The following CPNE8 variants were observed in gnomAD, a reference collection of about 807,000 sequenced individuals.
CPNE8 encodes the protein copine 8.
Under a neutral mutation model 81.5 loss-of-function variants are expected in CPNE8, and 45 were observed. That is an observed-to-expected ratio of 0.55 (90% CI 0.44 to 0.71). The LOEUF (loss-of-function observed/expected upper bound fraction) is 0.71. CPNE8 is among the 30% of genes least tolerant of loss of function. The pLI, the probability that CPNE8 is intolerant of heterozygous loss-of-function variation, is 0.00. For synonymous variants in CPNE8, 252 were observed against 226.3 expected, an observed-to-expected ratio of 1.11 and a Z score of -1.02; for missense variants, 594 against 672.1, an observed-to-expected ratio of 0.88 and a Z score of 1.28.
intron 6 of CPNE8, among the ~76,000 whole-genome samples, chr12:38,794,806 C>T (rs188950905): frequency 4.9e-4 from 75 of 152,208 alleles, no homozygotes; most frequent in African/African-American, 1.8e-3. Flanking sequence ...TTGAAGAATA[C>T]AAAGTATTGT....
At chr12:38,654,119 GTA>G in intron 19 of CPNE8, 49 bp from the exon 20 acceptor site, 1 of 1,522,316 alleles carries the variant, frequency 6.6e-7, no homozygotes, top group Non-Finnish European at 8.8e-7. Context: ...AGCAGGCTAT[GTA>G]ATAAACACAA....
At chr12:38,730,526 G>T (rs896265704) in intron 10 of CPNE8, among the ~76,000 whole-genome samples, 168 bp from the exon 11 acceptor site, 1 of 151,478 alleles carries the variant, frequency 6.6e-6, no homozygotes, top group African/African-American at 2.4e-5. Flanking sequence ...TAATTACATT[G>T]TTCATTAATC....
At chr12:38,779,446 T>C (rs752389843) in intron 6 of CPNE8, among the ~76,000 whole-genome samples, 1 of 152,144 alleles carries the variant, frequency 6.6e-6, no homozygotes, top group Non-Finnish European at 1.5e-5. Flanking sequence ...GAGTTATATA[T>C]AAACATTCAC....
intron 10 of CPNE8, among the ~76,000 whole-genome samples, chr12:38,737,894 C>G (rs1418640280): frequency 6.6e-5 from 10 of 152,116 alleles, no homozygotes; most frequent in Admixed American, 6.6e-4. Flanking sequence ...CAAAAGTTGG[C>G]AAGTTGCACT....
chr12:38,751,600 C>T (rs1383372280), intron 10 of CPNE8, among the ~76,000 whole-genome samples: 3 of 152,070 alleles, frequency 2.0e-5, no homozygotes, highest in African/African-American at 7.2e-5. Context: ...CTACATTATG[C>T]CTACAGGCCA....
intron 10 of CPNE8, among the ~76,000 whole-genome samples, chr12:38,741,782 G>C (rs188681461): frequency 6.6e-6 from 1 of 151,802 alleles, no homozygotes; most frequent in Non-Finnish European, 1.5e-5. Flanking sequence ...ATCTGACAAA[G>C]GGCTAATATC....
chr12:38,709,145 C>G (rs978337414), intron 13 of CPNE8, among the ~76,000 whole-genome samples: 2 of 152,172 alleles, frequency 1.3e-5, no homozygotes, highest in African/African-American at 4.8e-5. Flanking sequence ...AATATGTATT[C>G]TAGTTCACAC....
At chr12:38,822,137 TA>T (rs992239276) in intron 6 of CPNE8, among the ~76,000 whole-genome samples, 9 of 152,098 alleles carry the variant, frequency 5.9e-5, no homozygotes, top group African/African-American at 1.9e-4. Context: ...TCTTTGCAAA[TA>T]AAAAAATATT....
upstream of CPNE8, chr12:38,906,393 G>T (rs1490916490): frequency 2.0e-6 from 2 of 985,408 alleles, no homozygotes; most frequent in Non-Finnish European, 2.4e-6. Context: ...AAGCAATCTG[G>T]ATTCTGTCTC....
chr12:38,729,930 G>A (rs556527613), intron 11 of CPNE8, among the ~76,000 whole-genome samples: 1 of 150,554 alleles, frequency 6.6e-6, no homozygotes, highest in Non-Finnish European at 1.5e-5. Context: ...ATTTTATAAC[G>A]CCACACTGAC....
chr12:38,847,430 T>C (rs1387522666), intron 4 of CPNE8, among the ~76,000 whole-genome samples: 1 of 152,186 alleles, frequency 6.6e-6, no homozygotes, highest in Admixed American at 6.5e-5. Flanking sequence ...ATCTGTTTTT[T>C]AGTGGCAACG....
At chr12:38,699,663 G>A (rs769413602) in intron 14 of CPNE8, among the ~76,000 whole-genome samples, 1 of 150,852 alleles carries the variant, frequency 6.6e-6, no homozygotes, top group African/African-American at 2.4e-5. Context: ...TATTTCACCA[G>A]TACCCAGCTA....
At chr12:38,848,691 T>G (rs764182940) in intron 3 of CPNE8, 29 bp from the exon 4 acceptor site, 23 of 1,565,240 alleles carry the variant, frequency 1.5e-5, no homozygotes, top group Non-Finnish European at 2.0e-5. Context: ...AATTTAAAAT[T>G]AAACCTTGTA....
rs376855095 is a variant in CPNE8, at chr12:38,690,240, T to C, written c.1143+3417A>G. The stretch of plus-strand genomic sequence containing the variant: ...ATGAAAGACAAGACTGTCATGAAAC[T>C]GAACTTTTTGTATTTGTCATTTTCA... On this transcript the variant is annotated intron_variant, in intron 15 of 19. Transcript: ENST00000331366. Among the ~76,000 whole-genome samples the C allele has an allele frequency of 2.4e-4, 37 of 152,330 alleles. No homozygotes were observed. In the East Asian group the frequency reaches 6.0e-3, roughly 25 times the overall value.
intron 6 of CPNE8, among the ~76,000 whole-genome samples, chr12:38,818,260 T>A (rs1249305943): frequency 1.3e-5 from 2 of 152,174 alleles, no homozygotes; most frequent in Non-Finnish European, 2.9e-5. Flanking sequence ...GCATTAGGTG[T>A]TTTTCCTAAT....
chr12:38,805,521 G>A (rs1414232490), intron 6 of CPNE8, among the ~76,000 whole-genome samples: 1 of 108,908 alleles, frequency 9.2e-6, no homozygotes, highest in African/African-American at 3.3e-5. Flanking sequence ...TGGGGTCGGG[G>A]GATGGGGGAG....
chr12:38,661,498 C>T (rs1278659802), intron 19 of CPNE8, among the ~76,000 whole-genome samples: 1 of 151,924 alleles, frequency 6.6e-6, no homozygotes, highest in Non-Finnish European at 1.5e-5. Flanking sequence ...AGGAGAAATA[C>T]CTAATGTAAA....
chr12:38,893,694 G>T (rs1944344989), intron 1 of CPNE8, among the ~76,000 whole-genome samples: 1 of 151,890 alleles, frequency 6.6e-6, no homozygotes, highest in Non-Finnish European at 1.5e-5. Flanking sequence ...TGGTGTCTGG[G>T]TCGGGAGCCC....
intron 10 of CPNE8, among the ~76,000 whole-genome samples, chr12:38,746,432 A>G (rs1941228718): frequency 6.6e-6 from 1 of 152,176 alleles, no homozygotes; most frequent in African/African-American, 2.4e-5. Flanking sequence ...ATTTTTTCCA[A>G]AGCTACAAAT....
Sources: gnomAD v4.1 joint callset for allele counts (sites outside exome capture counted in the v4.1 genomes callset) on GRCh38, gnomAD v4.1.1 for gene constraint, MANE v1.5 for transcripts, NCBI Gene and HGNC (gene_info 2026-07-23, HGNC 2026-07-21) for gene names.